The following MCC variants were observed in gnomAD, a reference collection of about 807,000 sequenced individuals.
The protein encoded by MCC is colorectal mutant cancer protein.
Under a neutral mutation model 116.2 loss-of-function variants are expected in MCC, and 90 were observed. The ratio of observed to expected loss-of-function variants is 0.77; its 90% CI spans 0.65 to 0.92. The LOEUF is 0.92. Among genes scored for constraint, MCC ranks in the 40% least tolerant of loss-of-function variants. The probability of loss-of-function intolerance (pLI) is 0.00; values close to 1 mark genes in which losing one functional copy is unlikely to be tolerated. For synonymous variants in MCC, 578 were observed against 510.5 expected (o/e 1.13, Z -1.78); for missense variants, 1,516 against 1,312.2 (o/e 1.16, Z -2.40).
At chr5:113,217,359 T>C (rs1338162612) in intron 3 of MCC, among the ~76,000 whole-genome samples, 1 of 152,236 alleles carries the variant, frequency 6.6e-6, no homozygotes, top group Admixed American at 6.5e-5. Flanking sequence ...GCTTGGAATG[T>C]AATGCACACA....
At chr5:113,400,215 C>T (rs558740446) in intron 1 of MCC, among the ~76,000 whole-genome samples, 6 of 147,326 alleles carry the variant, frequency 4.1e-5, no homozygotes, top group East Asian at 2.0e-4. Flanking sequence ...CTTCCCCTCC[C>T]GGGTTCAAGT....
chr5:113,357,066 C>G (rs1711794248), intron 2 of MCC, among the ~76,000 whole-genome samples: 2 of 152,104 alleles, frequency 1.3e-5, no homozygotes, highest in South Asian at 4.1e-4. Context: ...TTAAAGACAC[C>G]ATAACCAGCT....
chr5:113,121,791 C>T (rs1757751071), intron 6 of MCC, among the ~76,000 whole-genome samples: 1 of 152,056 alleles, frequency 6.6e-6, no homozygotes, highest in Non-Finnish European at 1.5e-5. Context: ...TCTTCCATCT[C>T]TCCCATACAT....
At chr5:113,239,296 C>T (rs931882028) in intron 3 of MCC, among the ~76,000 whole-genome samples, 2 of 152,128 alleles carry the variant, frequency 1.3e-5, no homozygotes, top group African/African-American at 4.8e-5. Flanking sequence ...ATAAATCTGC[C>T]ATGGAAACAT....
intron 3 of MCC, among the ~76,000 whole-genome samples, chr5:113,252,335 C>A (rs1003780017): frequency 1.3e-5 from 2 of 152,142 alleles, no homozygotes; most frequent in East Asian, 3.9e-4. Context: ...ACAGCTGCTC[C>A]CCATCACTCA....
At chr5:113,350,883 AAT>A (rs1464759226) in intron 2 of MCC, among the ~76,000 whole-genome samples, 2 of 152,174 alleles carry the variant, frequency 1.3e-5, no homozygotes, top group Non-Finnish European at 2.9e-5. Context: ...AAAAAATATG[AAT>A]AGAGATTTCT....
At chr5:113,454,175 G>C (rs1483121056) in intron 1 of MCC, among the ~76,000 whole-genome samples, 1 of 152,100 alleles carries the variant, frequency 6.6e-6, no homozygotes, top group Non-Finnish European at 1.5e-5. Context: ...TAAGATCATA[G>C]CTCGATGCAG....
At chr5:113,159,641 T>C (rs1447228225) in intron 3 of MCC, among the ~76,000 whole-genome samples, 1 of 152,220 alleles carries the variant, frequency 6.6e-6, no homozygotes, top group Non-Finnish European at 1.5e-5. Context: ...TGAAAAAGCC[T>C]CATTCAGCTT....
At chr5:113,049,828 C>A (rs996964123) in intron 15 of MCC, among the ~76,000 whole-genome samples, 1 of 152,222 alleles carries the variant, frequency 6.6e-6, no homozygotes, top group African/African-American at 2.4e-5. Context: ...CGAATGCCTG[C>A]AGCAGCATCA....
chr5:113,111,517 G>A (rs940617624), intron 6 of MCC, among the ~76,000 whole-genome samples: 1 of 152,206 alleles, frequency 6.6e-6, no homozygotes, highest in African/African-American at 2.4e-5. Flanking sequence ...GGAATAAGGG[G>A]TTAAATAATT....
intron 3 of MCC, among the ~76,000 whole-genome samples, chr5:113,164,246 A>G (rs1455235256): frequency 6.6e-6 from 1 of 152,228 alleles, no homozygotes; most frequent in African/African-American, 2.4e-5. Context: ...AAGCTCGGCA[A>G]CTCCTCAGAC....
At chr5:113,326,590 G>A (rs1178973070) in intron 3 of MCC, among the ~76,000 whole-genome samples, 2 of 152,180 alleles carry the variant, frequency 1.3e-5, no homozygotes, top group South Asian at 2.1e-4. Context: ...TTAGCACCAC[G>A]ATGGGGGTTA....
At chr5:113,320,640 GT>G (rs796294913) in intron 3 of MCC, among the ~76,000 whole-genome samples, 18 of 152,270 alleles carry the variant, frequency 1.2e-4, no homozygotes, top group African/African-American at 4.3e-4. Context: ...CCAGCAACTG[GT>G]TTAATTATTA....
chr5:113,397,574 C>T (rs1415434941), intron 1 of MCC, among the ~76,000 whole-genome samples: 1 of 151,874 alleles, frequency 6.6e-6, no homozygotes, highest in Non-Finnish European at 1.5e-5. Context: ...GAAATATAAG[C>T]TTTTTCAATG....
intron 3 of MCC, among the ~76,000 whole-genome samples, chr5:113,291,466 C>G (rs1766493160): frequency 6.6e-6 from 1 of 152,192 alleles, no homozygotes; most frequent in African/African-American, 2.4e-5. Context: ...GGGACCCTTA[C>G]AGAAGGAGTA....
At chr5:113,213,261 C>T (rs1041914865) in intron 3 of MCC, among the ~76,000 whole-genome samples, 11 of 152,118 alleles carry the variant, frequency 7.2e-5, no homozygotes, top group Non-Finnish European at 8.8e-5. Context: ...CAATCAGAGG[C>T]CTCGAGGAAC....
At chr5:113,288,290 G>C (rs1396428490) in intron 3 of MCC, among the ~76,000 whole-genome samples, 2 of 152,206 alleles carry the variant, frequency 1.3e-5, no homozygotes, top group Admixed American at 1.3e-4. Flanking sequence ...TGCCTGCAGG[G>C]CTGGGAAAGC....
In MCC at chr5:113,434,526, C is replaced by T. The variant is rs770706524; in HGVS notation, c.171-49314G>A. 1.1e-5 allele frequency: 17 copies of T among 1,612,422 alleles called. No individual in the cohort carries two copies. The highest frequency in any genetic ancestry group is 2.2e-5 in the South Asian group (2 of 91,038). ...AGCTTCGTCCTCATGCAGGGCTCCCCGGGTTTTGATTAACTCGAGGAGGTC... is the reference window on the plus strand; with the variant it reads ...AGCTTCGTCCTCATGCAGGGCTCCCTGGGTTTTGATTAACTCGAGGAGGTC... On this transcript the variant is annotated intron_variant, in intron 1 of 18. Coordinates refer to ENST00000408903, the MANE Select transcript of MCC (RefSeq NM_001085377.2). This position sits in a 1 kb window ranked among gnomAD's most constrained non-coding sequence, Gnocchi z 4.2.
intron 1 of MCC, among the ~76,000 whole-genome samples, chr5:113,422,695 T>C (rs1770373601): frequency 6.6e-6 from 1 of 152,042 alleles, no homozygotes; most frequent in Non-Finnish European, 1.5e-5. Context: ...ATGAGCCCAG[T>C]GGAGATGCAA....
Sources: allele counts gnomAD v4.1 joint callset (sites outside exome capture counted in the v4.1 genomes callset), GRCh38; gene constraint gnomAD v4.1.1; non-coding constraint Gnocchi (gnomAD v3.1); transcripts MANE v1.5; gene names NCBI Gene and HGNC (gene_info 2026-07-23, HGNC 2026-07-21).